PAIP2: variants seen among roughly 807,000 people sequenced by gnomAD.
PAIP2 encodes poly(A) binding protein interacting protein 2, also known as polyadenylate-binding protein-interacting protein 2.
A neutral mutation model predicts 14.8 loss-of-function variants in PAIP2; 7 were observed. The observed-to-expected ratio is 0.47, with a 90% CI of 0.27 to 0.89. The LOEUF (loss-of-function observed/expected upper bound fraction) is 0.89. Ranked by LOEUF, PAIP2 falls within the 40% of genes least tolerant of loss-of-function variation. The probability of loss-of-function intolerance (pLI) is 0.13; values close to 1 mark genes in which losing one functional copy is unlikely to be tolerated. For missense variants in PAIP2, 122 were observed against 154.7 expected, an observed-to-expected ratio of 0.79 and a Z score of 1.12; for synonymous variants, 47 against 45.3, an observed-to-expected ratio of 1.04 and a Z score of -0.15.
chr5:139,352,508 T>G (rs1302639912), intron 1 of PAIP2, among the ~76,000 whole-genome samples: 4 of 146,678 alleles, frequency 2.7e-5, no homozygotes, highest in African/African-American at 7.6e-5. Context: ...TGTTGTTTTT[T>G]TTTTTTGAGA....
chr5:139,363,930 T>G lies in PAIP2; in HGVS notation c.138+8T>G. 2 of 1,612,650 alleles carry G rather than the reference T, an allele frequency of 1.2e-6. No homozygotes were observed. Among genetic ancestry groups the G allele is most frequent in the Non-Finnish European group, 8.5e-7 (1 of 1,178,862 alleles). ...GAAGAATTCAACAGACAAGTTAGTT[T>G]TTTGTACAAACATGTTTTTATAGTC... On this transcript the variant is annotated splice_region_variant and intron_variant, in intron 2 of 3. Transcript: ENST00000265192.
At chr5:139,352,117 A>G (rs936065314) in intron 1 of PAIP2, among the ~76,000 whole-genome samples, 1 of 151,810 alleles carries the variant, frequency 6.6e-6, no homozygotes, top group Non-Finnish European at 1.5e-5. Flanking sequence ...GACACTCAAA[A>G]TTTCAGATTT....
intron 1 of PAIP2, among the ~76,000 whole-genome samples, chr5:139,359,198 G>A (rs1399470452): frequency 2.6e-5 from 4 of 152,078 alleles, no homozygotes; most frequent in African/African-American, 4.8e-5. Context: ...GTGCAGTGGC[G>A]CGATCTTGGC....
At chr5:139,352,513 T>TTTTTTTTTTTTTTTTTTA (rs1756775922) in intron 1 of PAIP2, among the ~76,000 whole-genome samples, 1 of 148,912 alleles carries the variant, frequency 6.7e-6, no homozygotes, top group African/African-American at 2.4e-5. Flanking sequence ...TTTTTTTTTT[T>TTTTTTTTTTTTTTTTTTA]TGAGATGGAG....
intron 1 of PAIP2, among the ~76,000 whole-genome samples, chr5:139,347,366 C>G (rs1025594529): frequency 6.6e-6 from 1 of 151,498 alleles, no homozygotes; most frequent in African/African-American, 2.4e-5. Context: ...CTCCACCTCC[C>G]GAGTTCAAGC....
At chr5:139,362,572 G>A (rs891295215) in intron 1 of PAIP2, among the ~76,000 whole-genome samples, 3 of 151,830 alleles carry the variant, frequency 2.0e-5, no homozygotes, top group Non-Finnish European at 4.4e-5. Context: ...CACCACGCCC[G>A]GCTAATTTTG....
chr5:139,346,016 A>T (rs1756534124), intron 1 of PAIP2, among the ~76,000 whole-genome samples: 1 of 152,228 alleles, frequency 6.6e-6, no homozygotes. Context: ...TTAAAATTCC[A>T]TAGACAATAT....
At chr5:139,360,235 G>A (rs923088494) in intron 1 of PAIP2, among the ~76,000 whole-genome samples, 1 of 152,080 alleles carries the variant, frequency 6.6e-6, no homozygotes, top group African/African-American at 2.4e-5. Flanking sequence ...AAAGTGTTGG[G>A]ATTATAGGCG....
intron 1 of PAIP2, among the ~76,000 whole-genome samples, 158 bp downstream of exon 1, chr5:139,342,138 G>A (rs1387534252): frequency 6.6e-6 from 1 of 152,088 alleles, no homozygotes; most frequent in Non-Finnish European, 1.5e-5. Flanking sequence ...AAGTCTGAGG[G>A]ATGAGCTTGG....
chr5:139,360,454 A>G (rs1011283128), intron 1 of PAIP2, among the ~76,000 whole-genome samples: 4 of 152,190 alleles, frequency 2.6e-5, no homozygotes, highest in African/African-American at 7.2e-5. Flanking sequence ...ACCATAGCAC[A>G]TAACTCTGAG....
At position 139,363,964 on chromosome 5, in the gene PAIP2, C is replaced by A. The variant is rs375546398; in HGVS notation, c.138+42C>A. 7 of 1,557,280 alleles carry A rather than the reference C, an allele frequency of 4.5e-6. No individual in the cohort carries two copies. The African/African-American group carries it at 9.5e-5, about 21-fold the overall frequency. Reference sequence around the variant, plus strand: ...AACATGTTTTTATAGTCCATTCTGGCCCTCAATATGATTGTACTTGTCCCT... The same window carrying A: ...AACATGTTTTTATAGTCCATTCTGGACCTCAATATGATTGTACTTGTCCCT... On this transcript the variant is annotated intron_variant, in intron 2 of 3. Transcript: ENST00000265192.
chr5:139,355,701 A>G (rs1756887385), intron 1 of PAIP2, among the ~76,000 whole-genome samples: 1 of 151,006 alleles, frequency 6.6e-6, no homozygotes, highest in Non-Finnish European at 1.5e-5. Flanking sequence ...CTAAAATAAT[A>G]CAAAAATTAA....
chr5:139,349,494 G>A (rs1264417404), intron 1 of PAIP2, among the ~76,000 whole-genome samples: 2 of 151,920 alleles, frequency 1.3e-5, no homozygotes, highest in South Asian at 2.1e-4. Flanking sequence ...TGATCCACGC[G>A]CCTCAGCCTC....
chr5:139,355,353 G>A (rs962823672), intron 1 of PAIP2, among the ~76,000 whole-genome samples: 14 of 151,596 alleles, frequency 9.2e-5, no homozygotes, highest in Admixed American at 2.0e-4. Context: ...TGTATTTTTA[G>A]TAGAGACAGG....
At chr5:139,365,346 T>C (rs1561964776) in intron 3 of PAIP2, among the ~76,000 whole-genome samples, 1 of 150,360 alleles carries the variant, frequency 6.7e-6, no homozygotes, top group Non-Finnish European at 1.5e-5. Flanking sequence ...ATTAGCTGGG[T>C]GTGGTGGTGC....
rs1470098029 is a variant in PAIP2, at chr5:139,362,465, C to A, written c.-26-1294C>A. On this transcript the variant is annotated intron_variant, in intron 1 of 3. Coordinates refer to ENST00000265192, the MANE Select transcript of PAIP2 (RefSeq NM_016480.5). Reference sequence around the variant, plus strand: ...CACTCTTTTTGCCCAGGCTGGAGTGCAACGGCGCAATCTTGGCTCACCACA... The same window carrying A: ...CACTCTTTTTGCCCAGGCTGGAGTGAAACGGCGCAATCTTGGCTCACCACA... Among the ~76,000 whole-genome samples the A allele has an allele frequency of 2.2e-5, 3 of 139,336 alleles. No individual in the cohort carries two copies. In the East Asian group the frequency reaches 6.3e-4, roughly 29 times the overall value. 91.4% of individuals were successfully genotyped at this position (139,336 alleles called of 152,430 possible).
intron 1 of PAIP2, among the ~76,000 whole-genome samples, chr5:139,342,282 T>C (rs1756402922): frequency 6.6e-6 from 1 of 152,078 alleles, no homozygotes; most frequent in Admixed American, 6.6e-5. Flanking sequence ...CACTTTCTCC[T>C]GTTCCTCATT....
chr5:139,345,637 T>A (rs2152043847), intron 1 of PAIP2, among the ~76,000 whole-genome samples: 2 of 151,422 alleles, frequency 1.3e-5, no homozygotes, highest in South Asian at 4.2e-4. Flanking sequence ...TTTTTTTTTT[T>A]TTTTTTTTGA....
chr5:139,366,642 A>G (rs1157894975), intron 3 of PAIP2, among the ~76,000 whole-genome samples: 1 of 152,180 alleles, frequency 6.6e-6, no homozygotes, highest in African/African-American at 2.4e-5. Flanking sequence ...CTCTTGGCTG[A>G]GCATAATGTA....
Sources: gnomAD v4.1 joint callset for allele counts (sites outside exome capture counted in the v4.1 genomes callset) on GRCh38, gnomAD v4.1.1 for gene constraint, MANE v1.5 for transcripts, NCBI Gene and HGNC (gene_info 2026-07-23, HGNC 2026-07-21) for gene names.